Variants in ADH6 observed in about 807,000 individuals in gnomAD.
ADH6 encodes alcohol dehydrogenase 6.
A neutral mutation model predicts 36.5 loss-of-function variants in ADH6; 34 were observed. The observed-to-expected ratio is 0.93, with a 90% CI of 0.71 to 1.24. The LOEUF is 1.24. Among genes scored for constraint, ADH6 ranks in the 50% most tolerant of loss-of-function variants. The pLI is 0.00. For synonymous variants in ADH6, 161 were observed against 155.5 expected, an observed-to-expected ratio of 1.04 and a Z score of -0.26; for missense variants, 440 against 447.0, an observed-to-expected ratio of 0.98 and a Z score of 0.14.
Position 99,216,241 on chromosome 4 carries a change from T to C in ADH6, c.40A>G (p.Ile14Val), listed in dbSNP as rs761503688. Residue 14 changes from isoleucine (I) to valine (V), a missense_variant, in exon 2 of 9, where the codon ATA becomes GTA. Ile to Val is a conservative substitution (Grantham distance 29). Transcript: ENST00000394899. The part of the protein sequence containing the change: ...TGQVIRCKAA[I>V]LWKPGAPFSI... ...AATGGTGCACCAGGCTTCCAGAGTA[T>C]GGCTGCTTTGCATCTGATGACCTGG... is the stretch of plus-strand genomic sequence containing the variant. 5.1e-6 allele frequency: 8 copies of C among 1,579,136 alleles called. No homozygotes were observed. Among genetic ancestry groups the C allele is most frequent in the Admixed American group, 1.8e-5 (1 of 56,486 alleles).
intron 1 of ADH6, among the ~76,000 whole-genome samples, chr4:99,216,878 T>C (rs1731451692): frequency 6.6e-6 from 1 of 152,052 alleles, no homozygotes; most frequent in Admixed American, 6.6e-5. Context: ...ATGGGGTACA[T>C]GAAAAATTTT....
chr4:99,208,729 A>G lies in ADH6; in HGVS notation c.767T>C (p.Phe256Ser), dbSNP rs189587682. 20 of 1,613,860 alleles carry G rather than the reference A, an allele frequency of 1.2e-5. No homozygotes were observed. The highest frequency in any genetic ancestry group is 4.5e-5 in the East Asian group (2 of 44,876). ...GTCTATACCAGCATCTGTCATATCA[A>G]ATAAAACTTCTTGAATGGGTTTCTT... ...DLKKPIQEVL[F>S]DMTDAGIDFC... The change falls in exon 6 of 9, where the codon TTT (phenylalanine) becomes TCT (serine). Residue 256 changes from phenylalanine to serine, a missense_variant. By Grantham distance (155) the Phe-to-Ser change is radical. Coordinates refer to ENST00000394899, the MANE Select transcript of ADH6 (RefSeq NM_001102470.2).
At chr4:99,210,736 C>T (rs1011238988) in intron 3 of ADH6, among the ~76,000 whole-genome samples, 1 of 152,168 alleles carries the variant, frequency 6.6e-6, no homozygotes, top group East Asian at 1.9e-4. Flanking sequence ...GAACTGGCCC[C>T]AGATTTGCCT....
chr4:99,207,981 C>T (rs1325440684), intron 6 of ADH6, among the ~76,000 whole-genome samples: 5 of 151,842 alleles, frequency 3.3e-5, no homozygotes, highest in East Asian at 1.9e-4. Context: ...AAACAGATAC[C>T]GTTACATTCG....
At chr4:99,215,968 T>C (rs1731398135) in intron 2 of ADH6, 193 bp downstream of exon 2, 2 of 383,104 alleles carry the variant, frequency 5.2e-6, no homozygotes, top group Non-Finnish European at 9.2e-6. Flanking sequence ...TAGCCTATGC[T>C]TTACCTCCCT....
chr4:99,208,627 G>A, intron 6 of ADH6, 41 bp downstream of exon 6: 2 of 1,570,414 alleles, frequency 1.3e-6, no homozygotes, highest in Non-Finnish European at 1.7e-6. Context: ...AACGATGACT[G>A]GTAAAAGTAT....
intron 1 of ADH6, among the ~76,000 whole-genome samples, chr4:99,216,468 A>G (rs1195425717): frequency 3.9e-5 from 6 of 152,186 alleles, no homozygotes; most frequent in African/African-American, 1.2e-4. Context: ...TATTCAAATT[A>G]GTTTTGAAAA....
chr4:99,212,643 A>G (rs909782472), intron 3 of ADH6, among the ~76,000 whole-genome samples: 4 of 151,906 alleles, frequency 2.6e-5, no homozygotes, highest in African/African-American at 9.7e-5. Flanking sequence ...TCCCACCCCC[A>G]GCCTTTTAAA....
chr4:99,215,504 C>T (rs1002668722), intron 2 of ADH6, among the ~76,000 whole-genome samples: 8 of 152,150 alleles, frequency 5.3e-5, no homozygotes, highest in Non-Finnish European at 1.0e-4. Flanking sequence ...ACTTGGTTAT[C>T]AGCATTTTTC....
intron 5 of ADH6, among the ~76,000 whole-genome samples, 200 bp downstream of exon 5, chr4:99,209,882 T>A (rs930882921): frequency 6.6e-6 from 1 of 152,152 alleles, no homozygotes; most frequent in Non-Finnish European, 1.5e-5. Flanking sequence ...TTAATCTGTC[T>A]TTTACTACTC....
chr4:99,212,285 AT>A (rs1560807410), intron 3 of ADH6, among the ~76,000 whole-genome samples: 1 of 152,156 alleles, frequency 6.6e-6, no homozygotes, highest in Non-Finnish European at 1.5e-5. Flanking sequence ...TGTGAACTCT[AT>A]ATATTATCAA....
In ADH6 at chr4:99,207,537, C is replaced by T; in HGVS notation, c.873G>A (p.Val291=). 6.2e-7 allele frequency: 1 copy of T among 1,613,492 alleles called. No individual in the cohort carries two copies. Residue 291 remains valine (V), a synonymous_variant, in exon 7 of 9, where the codon GTG becomes GTA. Transcript: ENST00000394899. ...CACTGGCAGGCAACACCCCAACAACCACACAGACCCCATAGCTCTCATTGC... is the reference window on the plus strand; with the variant it reads ...CACTGGCAGGCAACACCCCAACAACTACACAGACCCCATAGCTCTCATTGC... ...ASCNESYGVC[V]VVGVLPASVQ...
intron 1 of ADH6, among the ~76,000 whole-genome samples, chr4:99,217,190 C>T (rs1172100990): frequency 1.3e-5 from 2 of 152,088 alleles, no homozygotes; most frequent in South Asian, 2.1e-4. Context: ...CGCCCACCAC[C>T]ACGCCTGGCT....
chr4:99,213,651 C>T lies in ADH6; in HGVS notation c.217G>A (p.Gly73Arg), dbSNP rs770356969. Residue 73 changes from glycine (G) to arginine (R), a missense_variant, in exon 3 of 9, where the codon GGA becomes AGA. Physicochemically the swap from Gly to Arg is moderately radical, Grantham distance 125 (BLOSUM62 -2). Transcript: ENST00000394899. ...CCTTCTCCAATACTCTCAACGATTCCAGCCCCTTCATGGCCCAAGATGGTG... is the reference window on the plus strand; with the variant it reads ...CCTTCTCCAATACTCTCAACGATTCTAGCCCCTTCATGGCCCAAGATGGTG... ...YPTILGHEGA[G>R]IVESIGEGVS... is the part of the protein sequence containing the mutation. 4 of 1,613,612 alleles carry T rather than the reference C, an allele frequency of 2.5e-6. No homozygotes were observed. In the Admixed American group the frequency reaches 6.7e-5, roughly 27 times the overall value.
At chr4:99,204,547 C>T in intron 8 of ADH6, 2 of 1,221,204 alleles carry the variant, frequency 1.6e-6, no homozygotes, top group East Asian at 3.8e-5. Flanking sequence ...TTCCTCTTCT[C>T]CCCCAAAGTA....
chr4:99,217,594 C>T (rs990194551), intron 1 of ADH6, among the ~76,000 whole-genome samples: 3 of 151,948 alleles, frequency 2.0e-5, no homozygotes, highest in African/African-American at 4.8e-5. Context: ...GTATATGTAC[C>T]GCATTTTGTT....
chr4:99,216,101 C>G lies in ADH6; in HGVS notation c.120+60G>C, dbSNP rs1314521457. 4 of 902,258 alleles carry G rather than the reference C, an allele frequency of 4.4e-6. No individual in the cohort carries two copies. In the East Asian group the frequency reaches 8.4e-5, roughly 19 times the overall value. 55.9% of individuals were successfully genotyped at this position (902,258 alleles called of 1,614,324 possible). Reference sequence around the variant, plus strand: ...TATCCGGATAAGAATATGTAACTTACAGTAAGAAGCTCTGGCTTTTGGCTT... The same window carrying G: ...TATCCGGATAAGAATATGTAACTTAGAGTAAGAAGCTCTGGCTTTTGGCTT... On this transcript the variant is annotated intron_variant, in intron 2 of 8. Transcript: ENST00000394899.
In ADH6 at chr4:99,204,165, A is replaced by T; in HGVS notation, c.*54T>A. 6.4e-7 allele frequency: 1 copy of T among 1,552,202 alleles called. No homozygotes were observed. Among genetic ancestry groups the T allele is most frequent in the Non-Finnish European group, 8.7e-7 (1 of 1,146,718 alleles). On this transcript the variant is annotated 3_prime_UTR_variant, in exon 9 of 9. Transcript: ENST00000394899. ...CTTCTAAATCATGAAAATTACATCA[A>T]ATGCCATTGAGTTGGTGAAATATCC...
At chr4:99,209,295 GTC>G (rs149042936) in intron 5 of ADH6, among the ~76,000 whole-genome samples, 56 of 147,516 alleles carry the variant, frequency 3.8e-4, no homozygotes, top group African/African-American at 5.2e-4. Context: ...ATTTCTCTCT[GTC>G]TCTCTCTCTC....
Sources: allele counts gnomAD v4.1 joint callset (sites outside exome capture counted in the v4.1 genomes callset), GRCh38; gene constraint gnomAD v4.1.1; transcripts MANE v1.5; gene names NCBI Gene and HGNC (gene_info 2026-07-23, HGNC 2026-07-21).